ADK: variants seen among roughly 807,000 people sequenced by gnomAD.
ADK encodes N6,N6-dimethyladenosine kinase.
ADK carries 24 observed loss-of-function variants against 44.7 expected under a neutral mutation model. The ratio of observed to expected loss-of-function variants is 0.54; its 90% CI spans 0.39 to 0.76. The LOEUF (loss-of-function observed/expected upper bound fraction) is 0.76, where lower values mean the gene tolerates loss of function less well. Ranked by LOEUF, ADK falls within the 30% of genes least tolerant of loss-of-function variation. The probability of loss-of-function intolerance (pLI) is 0.00; values close to 1 mark genes in which losing one functional copy is unlikely to be tolerated. For synonymous variants in ADK, 128 were observed against 142.6 expected, an observed-to-expected ratio of 0.90 and a Z score of 0.73; for missense variants, 321 against 425.1, an observed-to-expected ratio of 0.76 and a Z score of 2.15.
chr10:74,387,752 G>A (rs758357194), intron 4 of ADK, among the ~76,000 whole-genome samples: 1 of 152,076 alleles, frequency 6.6e-6, no homozygotes, highest in Non-Finnish European at 1.5e-5. Context: ...AATAGTGGCC[G>A]TGGTTTTCCT....
At chr10:74,592,198 T>G (rs1851749520) in intron 8 of ADK, among the ~76,000 whole-genome samples, 1 of 152,082 alleles carries the variant, frequency 6.6e-6, no homozygotes, top group Non-Finnish European at 1.5e-5. Context: ...AGTGCCTGAT[T>G]TAAATGACAG....
At chr10:74,552,793 A>G (rs975977181) in intron 7 of ADK, among the ~76,000 whole-genome samples, 3 of 152,204 alleles carry the variant, frequency 2.0e-5, no homozygotes, top group African/African-American at 7.2e-5. Flanking sequence ...CATAGAGGGA[A>G]ATAATCTAAT....
chr10:74,354,467 C>A (rs4077282), intron 4 of ADK, among the ~76,000 whole-genome samples: 110,326 of 152,080 alleles, frequency 0.73, 40,643 homozygotes, highest in Middle Eastern at 0.86. Context: ...ATAATTATTA[C>A]AACAAGTATT....
At chr10:74,191,225 C>A (rs182309964) in intron 1 of ADK, among the ~76,000 whole-genome samples, 2 of 152,036 alleles carry the variant, frequency 1.3e-5, no homozygotes, top group South Asian at 2.1e-4. Context: ...GTGATCTGCC[C>A]GCCTTGGCCT....
chr10:74,253,774 T>A (rs1029997427), intron 3 of ADK, among the ~76,000 whole-genome samples: 4 of 150,526 alleles, frequency 2.7e-5, no homozygotes, highest in African/African-American at 9.8e-5. Flanking sequence ...GCCTTTTTTT[T>A]TTTTTTTTTT....
At chr10:74,181,244 T>TGG (rs201319970) in intron 1 of ADK, among the ~76,000 whole-genome samples, 4 of 151,564 alleles carry the variant, frequency 2.6e-5, no homozygotes, top group Non-Finnish European at 5.9e-5. Flanking sequence ...GATTTTTTTT[T>TGG]GGGGGGGGTC....
intron 3 of ADK, among the ~76,000 whole-genome samples, chr10:74,285,928 C>T (rs1324577429): frequency 6.6e-6 from 1 of 152,026 alleles, no homozygotes; most frequent in Non-Finnish European, 1.5e-5. Context: ...TTGTTAATAT[C>T]CTTTATTTCA....
intron 6 of ADK, among the ~76,000 whole-genome samples, chr10:74,459,613 C>T (rs961169635): frequency 7.9e-5 from 12 of 151,006 alleles, no homozygotes; most frequent in African/African-American, 2.9e-4. Flanking sequence ...CCTGTAGTCC[C>T]ACCTGCTCGG....
intron 4 of ADK, among the ~76,000 whole-genome samples, chr10:74,317,452 A>G (rs566402982): frequency 7.2e-5 from 11 of 152,000 alleles, no homozygotes; most frequent in African/African-American, 1.7e-4. Flanking sequence ...AAACGTTGGC[A>G]TTGTGACTCA....
At position 74,179,551 on chromosome 10, in the gene ADK, A is replaced by G. The variant is rs371819835; in HGVS notation, c.66-21213A>G. 3.8e-4 allele frequency among the ~76,000 whole-genome samples: 58 copies of G among 152,280 alleles called. 2 individuals are homozygous for G. The highest frequency in any genetic ancestry group is 1.4e-3 in the African/African-American group (57 of 41,550). On this transcript the variant is annotated intron_variant, in intron 1 of 10. Coordinates refer to ENST00000539909, the MANE Select transcript of ADK (RefSeq NM_006721.4). Reference sequence around the variant, plus strand: ...CACTGCTTATTATACACTAATTATAATGTATTAGCATGCTAAAATACACTC... The same window carrying G: ...CACTGCTTATTATACACTAATTATAGTGTATTAGCATGCTAAAATACACTC...
intron 10 of ADK, among the ~76,000 whole-genome samples, chr10:74,677,965 C>CAAAAAAAAA (rs3037448): frequency 2.3e-5 from 1 of 43,076 alleles, no homozygotes; most frequent in African/African-American, 9.7e-5. Flanking sequence ...CCAGTCTCTA[C>CAAAAAAAAA]AAAAAAAAAA....
At chr10:74,328,164 C>T (rs1338593573) in intron 4 of ADK, among the ~76,000 whole-genome samples, 2 of 152,196 alleles carry the variant, frequency 1.3e-5, no homozygotes, top group Non-Finnish European at 2.9e-5. Flanking sequence ...CTGCCTCGGC[C>T]TCCCGAAGTG....
chr10:74,302,673 A>G (rs915090945), intron 3 of ADK, among the ~76,000 whole-genome samples: 9 of 152,034 alleles, frequency 5.9e-5, no homozygotes, highest in African/African-American at 1.9e-4. Context: ...CTGCATGCCT[A>G]TGGTCCCAGC....
chr10:74,558,771 G>T (rs932833536), intron 7 of ADK, among the ~76,000 whole-genome samples: 1 of 152,138 alleles, frequency 6.6e-6, no homozygotes, highest in Non-Finnish European at 1.5e-5. Context: ...AAGGATGCAG[G>T]CACTTCTGGA....
At chr10:74,311,418 A>G (rs1193535473) in intron 3 of ADK, among the ~76,000 whole-genome samples, 1 of 152,184 alleles carries the variant, frequency 6.6e-6, no homozygotes, top group African/African-American at 2.4e-5. Context: ...ATTCTTCAGG[A>G]TTTCTCAGGC....
chr10:74,413,804 C>T (rs574759035), intron 6 of ADK, among the ~76,000 whole-genome samples: 2 of 152,196 alleles, frequency 1.3e-5, no homozygotes, highest in Non-Finnish European at 2.9e-5. Context: ...TCACTAAACT[C>T]AATCATTTCT....
At chr10:74,454,750 G>A (rs1845884143) in intron 6 of ADK, among the ~76,000 whole-genome samples, 1 of 152,194 alleles carries the variant, frequency 6.6e-6, no homozygotes, top group Non-Finnish European at 1.5e-5. Context: ...CTAAATCTGA[G>A]TGTTTTTTAT....
At position 74,430,520 on chromosome 10, in the gene ADK, C is replaced by T. The variant is rs1043303935; in HGVS notation, c.555+31941C>T. On this transcript the variant is annotated intron_variant, in intron 6 of 10. Transcript: ENST00000539909. ...CTGTAATCCCAGCATTTTAGGAGGC[C>T]GAGATGAGAGAATTGCTTGAGGCCA... Among the ~76,000 whole-genome samples the T allele has an allele frequency of 4.6e-5, 7 of 152,032 alleles. No homozygotes were observed. The South Asian group carries it at 6.2e-4, about 14-fold the overall frequency.
intron 10 of ADK, among the ~76,000 whole-genome samples, chr10:74,699,361 A>G (rs1212679292): frequency 6.6e-6 from 1 of 151,946 alleles, no homozygotes. Flanking sequence ...GGAATAATAT[A>G]CTTAAAATGC....
Sources: allele counts gnomAD v4.1 joint callset (sites outside exome capture counted in the v4.1 genomes callset), GRCh38; gene constraint gnomAD v4.1.1; transcripts MANE v1.5; gene names NCBI Gene and HGNC (gene_info 2026-07-23, HGNC 2026-07-21).